Variants in WDR26 observed in about 807,000 individuals in gnomAD.
WDR26 encodes the protein WD repeat-containing protein 26.
A neutral mutation model predicts 84.1 loss-of-function variants in WDR26; 5 were observed. The observed-to-expected ratio is 0.06, with a 90% CI of 0.03 to 0.13. The LOEUF is 0.13. Ranked by LOEUF, WDR26 falls within the 10% of genes least tolerant of loss-of-function variation. WDR26 has a pLI of 1.00. For synonymous variants in WDR26, 415 were observed against 389.6 expected, an observed-to-expected ratio of 1.07 and a Z score of -0.77; for missense variants, 642 against 974.9, an observed-to-expected ratio of 0.66 and a Z score of 4.55.
chr1:224,429,124 T>C (rs935325868), intron 3 of WDR26, among the ~76,000 whole-genome samples: 1 of 151,726 alleles, frequency 6.6e-6, no homozygotes. Flanking sequence ...TAGCCGGGCA[T>C]GGTGGCATGT....
In WDR26 at chr1:224,397,969, G is replaced by A. The variant is rs115885511; in HGVS notation, c.2074+128C>T. ...AGGTCATTACAGAGAGAAATTAACC[G>A]TGTATTGGATAAATGAAAGAATTTT... On this transcript the variant is annotated intron_variant, in intron 12 of 13. Coordinates refer to ENST00000414423, the MANE Select transcript of WDR26 (RefSeq NM_001379403.1). 1.3e-3 allele frequency: 1,441 copies of A among 1,100,122 alleles called. 17 individuals are homozygous for A. In the African/African-American group the frequency reaches 0.02, roughly 15 times the overall value. 68.1% of individuals were successfully genotyped at this position (1,100,122 alleles called of 1,614,324 possible).
chr1:224,407,151 A>AAAAATATAT, intron 7 of WDR26, among the ~76,000 whole-genome samples: 1 of 11,868 alleles, frequency 8.4e-5, no homozygotes, highest in Admixed American at 1.3e-3. Context: ...AAAAAAAAAA[A>AAAAATATAT]ATATATATAT....
chr1:224,434,095 T>C lies in WDR26; in HGVS notation c.311A>G (p.Asn104Ser). 3 of 1,436,514 alleles carry C rather than the reference T, an allele frequency of 2.1e-6. No individual in the cohort carries two copies. Among genetic ancestry groups the C allele is most frequent in the Non-Finnish European group, 2.7e-6 (3 of 1,100,206 alleles). 89.0% of individuals were successfully genotyped at this position (1,436,514 alleles called of 1,614,324 possible). Residue 104 changes from asparagine (N) to serine (S), a missense_variant, in exon 1 of 14, where the codon AAT becomes AGT. Physicochemically the swap from Asn to Ser is conservative, Grantham distance 46. Coordinates refer to ENST00000414423, the MANE Select transcript of WDR26 (RefSeq NM_001379403.1). ...ACCTCCTCCTCCTCCTCCTGCCCCA[T>C]TGGCCTGCATGATGCTGCCGCTGAC... is the stretch of plus-strand genomic sequence containing the variant.
At chr1:224,413,272 C>T in intron 6 of WDR26, 8 of 1,215,990 alleles carry the variant, frequency 6.6e-6, no homozygotes, top group Non-Finnish European at 8.4e-6. Flanking sequence ...TATCTTGAAA[C>T]ACGGTCTTCC....
intron 12 of WDR26, chr1:224,397,862 A>T: frequency 2.0e-6 from 1 of 495,420 alleles, no homozygotes; most frequent in South Asian, 2.6e-5. Context: ...AATACATGAC[A>T]ATATGGAGGG....
At chr1:224,390,701 C>T (rs1012563544) in intron 13 of WDR26, among the ~76,000 whole-genome samples, 2 of 151,944 alleles carry the variant, frequency 1.3e-5, no homozygotes, top group South Asian at 2.1e-4. Context: ...ACCCGGGAGG[C>T]GGAGGTTGCA....
chr1:224,400,061 G>A (rs1673368855), intron 9 of WDR26, among the ~76,000 whole-genome samples: 1 of 152,192 alleles, frequency 6.6e-6, no homozygotes, highest in African/African-American at 2.4e-5. Flanking sequence ...TACACTGCAA[G>A]TAACAGAGAA....
At chr1:224,413,932 C>G (rs1448042565) in intron 6 of WDR26, among the ~76,000 whole-genome samples, 1 of 152,148 alleles carries the variant, frequency 6.6e-6, no homozygotes, top group African/African-American at 2.4e-5. Flanking sequence ...GCCTCAGCCT[C>G]CCCAGCAGCT....
chr1:224,407,170 A>ATATATATATATG (rs1421408562), intron 7 of WDR26, among the ~76,000 whole-genome samples: 1 of 116,962 alleles, frequency 8.5e-6, no homozygotes, highest in African/African-American at 3.3e-5. Flanking sequence ...ATATATATAT[A>ATATATATATATG]TAACTCAAAA....
Position 224,389,474 on chromosome 1 carries a change from T to C in WDR26, c.*361A>G, listed in dbSNP as rs1309560827. ...TTAAATAAAGTTTTCCAAACAAGCATTTAAACTTCATTACACAGAAGAGCA... is the reference window on the plus strand; with the variant it reads ...TTAAATAAAGTTTTCCAAACAAGCACTTAAACTTCATTACACAGAAGAGCA... On this transcript the variant is annotated 3_prime_UTR_variant, in exon 14 of 14. Transcript: ENST00000414423. The C allele has an allele frequency of 2.1e-5, 10 of 472,906 alleles. No homozygotes were observed. The highest frequency in any genetic ancestry group is 5.1e-4 in the Middle Eastern group (1 of 1,948). The allele number at this position is 472,906 out of a possible 1,614,324, so 29.3% of individuals were successfully genotyped here. A position where few individuals can be genotyped will look rare whatever the true frequency, so the allele number is the denominator to read the frequency against.
chr1:224,392,316 G>T (rs1175837019), intron 13 of WDR26, among the ~76,000 whole-genome samples: 2 of 150,900 alleles, frequency 1.3e-5, no homozygotes, highest in Admixed American at 1.3e-4. Context: ...AGCCGAGATC[G>T]CACCACTGTA....
intron 3 of WDR26, among the ~76,000 whole-genome samples, chr1:224,427,432 C>G (rs1674262155): frequency 6.6e-6 from 1 of 152,050 alleles, no homozygotes; most frequent in Non-Finnish European, 1.5e-5. Flanking sequence ...CCACCAAGAT[C>G]TTGATACAAC....
In WDR26 at chr1:224,389,766, C is replaced by T; in HGVS notation, c.*69G>A. ...CAGCTATCAATCATGTTTGTTTGCA[C>T]CAAATCCCAAGCCATTAAAATACGA... On this transcript the variant is annotated 3_prime_UTR_variant, in exon 14 of 14. Coordinates refer to ENST00000414423, the MANE Select transcript of WDR26 (RefSeq NM_001379403.1). 2.1e-6 allele frequency: 3 copies of T among 1,459,448 alleles called. No individual in the cohort carries two copies. Among genetic ancestry groups the T allele is most frequent in the Non-Finnish European group, 2.9e-6 (3 of 1,041,414 alleles). The allele number at this position is 1,459,448 out of a possible 1,614,324, so 90.4% of individuals were successfully genotyped here.
chr1:224,393,515 C>T (rs769339792), intron 13 of WDR26, among the ~76,000 whole-genome samples: 11 of 151,980 alleles, frequency 7.2e-5, no homozygotes, highest in Non-Finnish European at 1.2e-4. Flanking sequence ...TACAATATTA[C>T]GTTTAGGTAG....
At chr1:224,390,604 T>C (rs973560824) in intron 13 of WDR26, among the ~76,000 whole-genome samples, 4 of 152,216 alleles carry the variant, frequency 2.6e-5, no homozygotes, top group African/African-American at 9.6e-5. Flanking sequence ...AGTATCATCC[T>C]ACTCCATTTT....
In WDR26 at chr1:224,388,294, TC is replaced by T. The variant is rs1273301916; in HGVS notation, c.*1540del. 6.6e-6 allele frequency: 1 copy of T among 152,210 alleles called. No individual in the cohort carries two copies. Among genetic ancestry groups the T allele is most frequent in the African/African-American group, 2.4e-5 (1 of 41,460 alleles). The allele number at this position is 152,210 out of a possible 1,614,324, so 9.4% of individuals were successfully genotyped here. Reference sequence around the variant, plus strand: ...AAGGGGAACTTAGTACAAGACTTTTTCTTCACCAGAATCTTATTTTGGGGGT... The same window carrying T: ...AAGGGGAACTTAGTACAAGACTTTTTTTCACCAGAATCTTATTTTGGGGGT... On this transcript the variant is annotated 3_prime_UTR_variant, in exon 14 of 14. Coordinates refer to ENST00000414423, the MANE Select transcript of WDR26 (RefSeq NM_001379403.1).
intron 12 of WDR26, among the ~76,000 whole-genome samples, chr1:224,395,550 T>C (rs1673236530): frequency 6.6e-6 from 1 of 151,406 alleles, no homozygotes; most frequent in Non-Finnish European, 1.5e-5. Flanking sequence ...TTCTTAGAAG[T>C]ATCTGCTGCT....
intron 6 of WDR26, chr1:224,413,369 C>T (rs1673792450): frequency 8.7e-7 from 1 of 1,144,774 alleles, no homozygotes. Context: ...AATAAATTAA[C>T]ATTCTTTATT....
rs1354543456 is a variant in WDR26 at position 224,385,538 on chromosome 1, T to A, written c.*4297A>T. The A allele has an allele frequency of 6.6e-6, 1 of 152,656 alleles. No homozygotes were observed. The highest frequency in any genetic ancestry group is 1.5e-5 in the Non-Finnish European group (1 of 68,032). 9.5% of individuals were successfully genotyped at this position (152,656 alleles called of 1,614,324 possible). A position where few individuals can be genotyped will look rare whatever the true frequency, so the allele number is the denominator to read the frequency against. ...CATTTAATCAGTCCATAGCAAATAG[T>A]TATTACATACCAAAAGCTCTAAGTG... is the stretch of plus-strand genomic sequence containing the variant. On this transcript the variant is annotated 3_prime_UTR_variant, in exon 14 of 14. Transcript: ENST00000414423.
Sources: allele counts gnomAD v4.1 joint callset (sites outside exome capture counted in the v4.1 genomes callset), GRCh38; gene constraint gnomAD v4.1.1; transcripts MANE v1.5; gene names NCBI Gene and HGNC (gene_info 2026-07-23, HGNC 2026-07-21).